Variants in KCNK2 observed in about 807,000 individuals in gnomAD.
The protein encoded by KCNK2 is potassium channel subfamily K member 2.
Under a neutral mutation model 40.5 loss-of-function variants are expected in KCNK2, and 21 were observed. That is an observed-to-expected ratio of 0.52 (90% confidence interval 0.37 to 0.75). The LOEUF is 0.75. Ranked by LOEUF, KCNK2 falls within the 30% of genes least tolerant of loss-of-function variation. The probability of loss-of-function intolerance (pLI) is 0.00; values close to 1 mark genes in which losing one functional copy is unlikely to be tolerated. For synonymous variants in KCNK2, 191 were observed against 202.2 expected (o/e 0.94, Z 0.47); for missense variants, 399 against 531.6 (o/e 0.75, Z 2.45).
At chr1:215,047,073 T>C (rs977377956) in intron 1 of KCNK2, among the ~76,000 whole-genome samples, 3 of 152,130 alleles carry the variant, frequency 2.0e-5, no homozygotes, top group Non-Finnish European at 2.9e-5. Flanking sequence ...CCTTTTTAAA[T>C]TCAAAATTGG....
In KCNK2 at chr1:215,083,204, G is replaced by GCCCCCCC; in HGVS notation, c.-177_-176insCCCCCCC. On this transcript the variant is annotated 5_prime_UTR_variant, in exon 1 of 7. Coordinates refer to ENST00000444842, the MANE Select transcript of KCNK2 (RefSeq NM_001017425.3). ...CGTTTCTTCTCACGCTCCCCCCCCC[G>GCCCCCCC]CCCCCTCCCGCGTCCAGCCCCGCTC... is the stretch of plus-strand genomic sequence containing the variant. The GCCCCCCC allele has an allele frequency of 7.3e-6, 2 of 273,546 alleles. No homozygotes were observed. The highest frequency in any genetic ancestry group is 6.4e-6 in the Non-Finnish European group (1 of 155,378). The allele number at this position is 273,546 out of a possible 1,614,324, so 16.9% of individuals were successfully genotyped here. A position where few individuals can be genotyped will look rare whatever the true frequency, so the allele number is the denominator to read the frequency against.
chr1:215,067,148 C>T (rs914693018), intron 1 of KCNK2, among the ~76,000 whole-genome samples: 7 of 152,060 alleles, frequency 4.6e-5, no homozygotes, highest in African/African-American at 1.7e-4. Flanking sequence ...AGCAAGTCCG[C>T]CAACTGTTAG....
intron 3 of KCNK2, among the ~76,000 whole-genome samples, chr1:215,134,894 CTATA>C (rs1005939366): frequency 6.7e-6 from 1 of 149,726 alleles, no homozygotes; most frequent in African/African-American, 2.5e-5. Context: ...GGATGAAGAC[CTATA>C]TATATATATA....
Position 215,147,890 on chromosome 1 carries a change from A to T in KCNK2, c.476-21309A>T, listed in dbSNP as rs541494631. Among the ~76,000 whole-genome samples, 9 of 152,176 alleles carry T rather than the reference A, an allele frequency of 5.9e-5. No homozygotes were observed. In the South Asian group the frequency reaches 1.9e-3, roughly 32 times the overall value. ...GAGATGTGATTGTCATTTCACTCTG[A>T]TTTCTAAAAGGTTTGCTCTTTTTAG... On this transcript the variant is annotated intron_variant, in intron 3 of 6. Transcript: ENST00000444842.
intron 6 of KCNK2, among the ~76,000 whole-genome samples, chr1:215,224,699 T>A (rs1365545161): frequency 1.3e-5 from 2 of 152,116 alleles, no homozygotes; most frequent in African/African-American, 4.8e-5. Flanking sequence ...TATGCAAACA[T>A]GAAATTCAGG....
At chr1:215,230,967 CT>C (rs1291687951) in intron 6 of KCNK2, among the ~76,000 whole-genome samples, 1 of 152,116 alleles carries the variant, frequency 6.6e-6, no homozygotes, top group Non-Finnish European at 1.5e-5. Flanking sequence ...CAAGTCTGAG[CT>C]TTTCTTGCAT....
In KCNK2 at chr1:215,170,977, G is replaced by T. The variant is rs1163675456; in HGVS notation, c.637-1020G>T. On this transcript the variant is annotated intron_variant, in intron 4 of 6. Coordinates refer to ENST00000444842, the MANE Select transcript of KCNK2 (RefSeq NM_001017425.3). ...ACTATTGTATAATCTTTGTAAACAT[G>T]AACTCATTTAACTCTCACAGGTAAG... 2.6e-5 allele frequency among the ~76,000 whole-genome samples: 4 copies of T among 152,068 alleles called. 1 individual carries two copies. The highest frequency in any genetic ancestry group is 5.9e-5 in the Non-Finnish European group (4 of 67,990).
chr1:215,062,601 A>C (rs1214267683), intron 1 of KCNK2, among the ~76,000 whole-genome samples: 1 of 150,988 alleles, frequency 6.6e-6, no homozygotes, highest in Non-Finnish European at 1.5e-5. Flanking sequence ...AAATCATTTC[A>C]GGTGTAGAGT....
chr1:215,008,475 C>G (rs115831545), intron 1 of KCNK2, among the ~76,000 whole-genome samples: 356 of 152,118 alleles, frequency 2.3e-3, no homozygotes, highest in Non-Finnish European at 3.9e-3. Flanking sequence ...TGATGGAATT[C>G]CAGACCCCCT....
At chr1:215,034,296 A>G (rs1224314431) in intron 1 of KCNK2, among the ~76,000 whole-genome samples, 1 of 151,866 alleles carries the variant, frequency 6.6e-6, no homozygotes, top group East Asian at 1.9e-4. Flanking sequence ...TATTGTATCT[A>G]TATACCAAAA....
At chr1:215,156,141 G>A (rs1348701212) in intron 3 of KCNK2, among the ~76,000 whole-genome samples, 2 of 151,900 alleles carry the variant, frequency 1.3e-5, no homozygotes, top group Non-Finnish European at 2.9e-5. Flanking sequence ...AATTTGAGTA[G>A]GGAAGATAGA....
chr1:215,226,785 A>G (rs962816273), intron 6 of KCNK2, among the ~76,000 whole-genome samples: 1 of 152,240 alleles, frequency 6.6e-6, no homozygotes, highest in Non-Finnish European at 1.5e-5. Flanking sequence ...AATCTGATTT[A>G]AAAGATCTAT....
chr1:215,192,920 C>T (rs908486174), intron 5 of KCNK2, among the ~76,000 whole-genome samples: 1 of 151,950 alleles, frequency 6.6e-6, no homozygotes, highest in Admixed American at 6.6e-5. Context: ...CAGAAAAATG[C>T]TTTTTATTGA....
At chr1:215,234,429 C>T (rs1045318911) in intron 6 of KCNK2, among the ~76,000 whole-genome samples, 1 of 152,152 alleles carries the variant, frequency 6.6e-6, no homozygotes, top group African/African-American at 2.4e-5. Context: ...TCTACTATAT[C>T]TTACTGCCCT....
At position 215,082,741 on chromosome 1, in the gene KCNK2, G is replaced by C. The variant is rs1027715586; in HGVS notation, c.-645G>C. Reference sequence around the variant, plus strand: ...GAGGGAGTTCCGAAAGGAGGGAAACGAGCCGGCAAGGGGCGACAGGAGCGA... The same window carrying C: ...GAGGGAGTTCCGAAAGGAGGGAAACCAGCCGGCAAGGGGCGACAGGAGCGA... On this transcript the variant is annotated 5_prime_UTR_variant, in exon 1 of 7. Coordinates refer to ENST00000444842, the MANE Select transcript of KCNK2 (RefSeq NM_001017425.3). Among the ~76,000 whole-genome samples, 10 of 151,964 alleles carry C rather than the reference G, an allele frequency of 6.6e-5. No homozygotes were observed. Among genetic ancestry groups the C allele is most frequent in the Non-Finnish European group, 1.3e-4 (9 of 67,936 alleles).
At chr1:215,184,571 A>G (rs895762121) in intron 5 of KCNK2, among the ~76,000 whole-genome samples, 6 of 152,196 alleles carry the variant, frequency 3.9e-5, no homozygotes, top group African/African-American at 1.2e-4. Context: ...CAGGAAACTT[A>G]CAATCATAGC....
chr1:215,153,700 G>C (rs1662788871), intron 3 of KCNK2, among the ~76,000 whole-genome samples: 1 of 151,822 alleles, frequency 6.6e-6, no homozygotes, highest in African/African-American at 2.4e-5. Context: ...CGTGTGCCAT[G>C]GTGGTTTGCT....
chr1:215,234,757 T>C, intron 6 of KCNK2, 71 bp from the exon 7 acceptor site: 1 of 1,369,024 alleles, frequency 7.3e-7, no homozygotes, highest in Non-Finnish European at 1.0e-6. Context: ...TAAAATGAAC[T>C]GAAGATAAAG....
intron 3 of KCNK2, among the ~76,000 whole-genome samples, chr1:215,163,595 C>T (rs116709217): frequency 0.013 from 1,993 of 152,094 alleles, 36 homozygotes; most frequent in African/African-American, 0.043. Context: ...TATGTTACAT[C>T]GGTATCCAGT....
Sources: allele counts gnomAD v4.1 joint callset (sites outside exome capture counted in the v4.1 genomes callset), GRCh38; gene constraint gnomAD v4.1.1; transcripts MANE v1.5; gene names NCBI Gene and HGNC (gene_info 2026-07-23, HGNC 2026-07-21).